The following TAOK3 variants were observed in gnomAD, a reference collection of about 807,000 sequenced individuals.
TAOK3 encodes the protein serine/threonine-protein kinase TAO3.
In TAOK3, 40 loss-of-function variants were observed where a neutral mutation model predicts 120.4. The ratio of observed to expected loss-of-function variants is 0.33; its 90% confidence interval spans 0.26 to 0.43. The LOEUF (loss-of-function observed/expected upper bound fraction) is 0.43, where lower values mean the gene tolerates loss of function less well. TAOK3 is among the 20% of genes least tolerant of loss of function. The pLI is 1.00. For missense variants in TAOK3, 821 were observed against 1,112.1 expected (o/e 0.74, Z 3.72); for synonymous variants, 355 against 387.5 (o/e 0.92, Z 0.99).
At chr12:118,207,598 T>C (rs1435373177) in intron 11 of TAOK3, among the ~76,000 whole-genome samples, 1 of 152,178 alleles carries the variant, frequency 6.6e-6, no homozygotes, top group Non-Finnish European at 1.5e-5. Context: ...CTCATGCCTG[T>C]AATCCCAGCA....
intron 1 of TAOK3, among the ~76,000 whole-genome samples, chr12:118,346,227 G>A (rs1814717036): frequency 6.6e-6 from 1 of 152,160 alleles, no homozygotes; most frequent in Non-Finnish European, 1.5e-5. Flanking sequence ...TTGAGAAGAG[G>A]AGAAAGGGTT....
At chr12:118,198,043 T>C (rs2139220652) in intron 13 of TAOK3, among the ~76,000 whole-genome samples, 1 of 152,290 alleles carries the variant, frequency 6.6e-6, no homozygotes, top group Non-Finnish European at 1.5e-5. Context: ...TCTTGGTAGA[T>C]TTCTGCATCT....
intron 1 of TAOK3, among the ~76,000 whole-genome samples, chr12:118,361,164 G>A (rs538523602): frequency 3.3e-5 from 5 of 152,178 alleles, no homozygotes; most frequent in South Asian, 4.1e-4. Context: ...TAATGCCCCC[G>A]TACTGAATTT....
rs182533139 is a variant in TAOK3 at position 118,265,784 on chromosome 12, C to T, written c.-89+871G>A. Among the ~76,000 whole-genome samples the T allele has an allele frequency of 1.2e-3, 183 of 152,240 alleles. 2 individuals are homozygous for T. Among genetic ancestry groups the T allele is most frequent in the Non-Finnish European group, 1.5e-3 (99 of 68,022 alleles). On this transcript the variant is annotated intron_variant, in intron 2 of 20. Coordinates refer to ENST00000392533, the MANE Select transcript of TAOK3 (RefSeq NM_016281.4). ...AAAGAGGCAAGGCATAATTAGGGAA[C>T]GTACAGAAGGAATACGACAGTGCAT... is the stretch of plus-strand genomic sequence containing the variant.
chr12:118,237,070 A>G (rs11068880), intron 7 of TAOK3, among the ~76,000 whole-genome samples: 11,310 of 152,206 alleles, frequency 0.074, 866 homozygotes, highest in East Asian at 0.25. Flanking sequence ...ATCCATAGAC[A>G]TTATGATAAT....
chr12:118,219,000 T>A (rs770583434), intron 9 of TAOK3, among the ~76,000 whole-genome samples: 5 of 152,156 alleles, frequency 3.3e-5, no homozygotes, highest in Non-Finnish European at 7.4e-5. Flanking sequence ...TAGGAACTCA[T>A]CACGTAACCA....
chr12:118,351,743 C>T lies in TAOK3; in HGVS notation c.-194+20905G>A, dbSNP rs571339068. ...TCCCTAATAGTTTTTGCAGGGCACA[C>T]CTTCACAGAGCCTAACCTTGTAACA... On this transcript the variant is annotated intron_variant, in intron 1 of 20. Coordinates refer to ENST00000392533, the MANE Select transcript of TAOK3 (RefSeq NM_016281.4). Among the ~76,000 whole-genome samples the T allele has an allele frequency of 8.8e-4, 134 of 152,036 alleles. 1 individual carries two copies. The Middle Eastern group carries it at 0.01, about 12-fold the overall frequency.
rs147044502 is a variant in TAOK3 at position 118,267,404 on chromosome 12, G to A, written c.-193-645C>T. On this transcript the variant is annotated intron_variant, in intron 1 of 20. Coordinates refer to ENST00000392533, the MANE Select transcript of TAOK3 (RefSeq NM_016281.4). ...TAATGTTTGTATTTTCAGTACAGAC[G>A]GGGTTTCACCATGTTGGCCAGGCTG... Among the ~76,000 whole-genome samples, 1,115 of 151,456 alleles carry A rather than the reference G, an allele frequency of 7.4e-3. 18 individuals carry two copies. The highest frequency in any genetic ancestry group is 0.025 in the African/African-American group (1,042 of 41,356).
chr12:118,180,001 G>A (rs2036604285), intron 15 of TAOK3, among the ~76,000 whole-genome samples: 1 of 144,414 alleles, frequency 6.9e-6, no homozygotes, highest in African/African-American at 2.6e-5. Context: ...AGGCTGGAGT[G>A]CAATGGCACA....
At chr12:118,285,463 C>T (rs1245922481) in intron 1 of TAOK3, among the ~76,000 whole-genome samples, 2 of 151,650 alleles carry the variant, frequency 1.3e-5, no homozygotes, top group East Asian at 3.9e-4. Flanking sequence ...AGTGATTCTC[C>T]TGCCTCAGCC....
intron 17 of TAOK3, among the ~76,000 whole-genome samples, chr12:118,168,733 G>A (rs1169027808): frequency 6.6e-6 from 1 of 152,082 alleles, no homozygotes; most frequent in Non-Finnish European, 1.5e-5. Flanking sequence ...CACCAATATA[G>A]TTTCTATCAT....
chr12:118,261,395 A>T (rs2041222367), intron 2 of TAOK3: 1 of 152,244 alleles, frequency 6.6e-6, no homozygotes, highest in African/African-American at 2.4e-5. Context: ...TAAATTGCTC[A>T]AAATTTGTGA....
In TAOK3 at chr12:118,189,878, G is replaced by C. The variant is rs2037333609; in HGVS notation, c.1258C>G (p.Gln420Glu). ...GDPRPEPRPT[Q>E]SVQSQALHYR... ...TGGAGGGCCTGGCTCTGAACTGACT[G>C]GGTAGGCCGCGGCTCAGGCCTGGGA... Residue 420 changes from glutamine to glutamate, a missense_variant, in exon 14 of 21, where the codon CAG (glutamine) becomes GAG (glutamate). By Grantham distance (29) the Gln-to-Glu change is conservative. This residue lies in a region of TAOK3 where 467 missense variants were observed against 540.0 expected (regional missense o/e 0.86). Transcript: ENST00000392533. 1 of 1,614,072 alleles carries C rather than the reference G, an allele frequency of 6.2e-7. No individual in the cohort carries two copies. Among genetic ancestry groups the C allele is most frequent in the African/African-American group, 1.3e-5 (1 of 74,920 alleles).
At chr12:118,261,421 A>G (rs189052478) in intron 2 of TAOK3, 2 of 152,348 alleles carry the variant, frequency 1.3e-5, no homozygotes, top group Admixed American at 1.3e-4. Context: ...AGAAAATCAT[A>G]AAAGTATCCA....
intron 1 of TAOK3, among the ~76,000 whole-genome samples, chr12:118,327,601 T>A (rs2043985231): frequency 6.6e-6 from 1 of 152,306 alleles, no homozygotes; most frequent in East Asian, 1.9e-4. Context: ...CAATATCAAG[T>A]CCTTGGAGAC....
intron 1 of TAOK3, among the ~76,000 whole-genome samples, chr12:118,329,657 G>A (rs911679976): frequency 2.0e-5 from 3 of 152,014 alleles, no homozygotes; most frequent in African/African-American, 7.2e-5. Context: ...TTTTTTCTAG[G>A]AAGGTCATTC....
intron 17 of TAOK3, among the ~76,000 whole-genome samples, chr12:118,163,500 C>T (rs903902055): frequency 6.1e-5 from 9 of 148,756 alleles, no homozygotes; most frequent in Non-Finnish European, 1.0e-4. Context: ...AGGTTGGTCT[C>T]GGACTCCTGG....
intron 3 of TAOK3, among the ~76,000 whole-genome samples, chr12:118,252,894 T>C (rs2040818216): frequency 6.6e-6 from 1 of 151,840 alleles, no homozygotes; most frequent in African/African-American, 2.4e-5. Flanking sequence ...TCCGGCTAAG[T>C]TTTTCTATTT....
intron 9 of TAOK3, among the ~76,000 whole-genome samples, chr12:118,221,206 T>A (rs2039212137): frequency 6.6e-6 from 1 of 152,210 alleles, no homozygotes; most frequent in South Asian, 2.1e-4. Flanking sequence ...TATTGTAGAA[T>A]ATAGCAGTTT....
Sources: allele counts gnomAD v4.1 joint callset (sites outside exome capture counted in the v4.1 genomes callset), GRCh38; gene constraint gnomAD v4.1.1; regional missense constraint gnomAD v4.1.1; transcripts MANE v1.5; gene names NCBI Gene and HGNC (gene_info 2026-07-23, HGNC 2026-07-21).